EDIL3: variants seen among roughly 807,000 people sequenced by gnomAD.
EDIL3 encodes the protein EGF like and discoidin domains 3.
In EDIL3, 37 loss-of-function variants were observed where a neutral mutation model predicts 67.4. That is an observed-to-expected ratio of 0.55 (90% CI 0.42 to 0.72). EDIL3 has a LOEUF of 0.72. Among genes scored for constraint, EDIL3 ranks in the 30% least tolerant of loss-of-function variants. The probability of loss-of-function intolerance (pLI) is 0.00; values close to 1 mark genes in which losing one functional copy is unlikely to be tolerated. For missense variants in EDIL3, 527 were observed against 586.3 expected (o/e 0.90, Z 1.04); for synonymous variants, 195 against 196.3 (o/e 0.99, Z 0.05).
chr5:84,077,953 T>C (rs1336814560), intron 6 of EDIL3, among the ~76,000 whole-genome samples: 1 of 149,254 alleles, frequency 6.7e-6, no homozygotes, highest in Non-Finnish European at 1.5e-5. Context: ...TCAGAGAAAA[T>C]CTTCACTATT....
chr5:84,074,900 G>C (rs922386341), intron 6 of EDIL3, among the ~76,000 whole-genome samples: 1 of 152,110 alleles, frequency 6.6e-6, no homozygotes, highest in Admixed American at 6.5e-5. Flanking sequence ...ACATGCACAC[G>C]TATGTTTATT....
In EDIL3 at chr5:84,384,393, T is replaced by G. The variant is rs1472143940; in HGVS notation, c.-19A>C. 1.2e-6 allele frequency: 2 copies of G among 1,612,104 alleles called. No individual in the cohort carries two copies. The highest frequency in any genetic ancestry group is 2.2e-5 in the East Asian group (1 of 44,700). On this transcript the variant is annotated 5_prime_UTR_variant, in exon 1 of 11. Transcript: ENST00000296591. Reference sequence around the variant, plus strand: ...GCTTCATGATCCCGTCTCCCGGACGTGACCCCGGCTGGTCAGGGGTCGTCG... The same window carrying G: ...GCTTCATGATCCCGTCTCCCGGACGGGACCCCGGCTGGTCAGGGGTCGTCG...
intron 10 of EDIL3, among the ~76,000 whole-genome samples, chr5:83,951,649 GT>G (rs1744424313): frequency 6.6e-6 from 1 of 151,620 alleles, no homozygotes; most frequent in African/African-American, 2.4e-5. Context: ...TGGTTTCCAT[GT>G]AGTTGACATG....
chr5:84,319,200 C>CTGTT (rs1746575248), intron 1 of EDIL3, among the ~76,000 whole-genome samples: 1 of 56,892 alleles, frequency 1.8e-5, no homozygotes, highest in Non-Finnish European at 4.5e-5. Context: ...TGGCCGGGCG[C>CTGTT]GGTGGCTCAC....
intron 3 of EDIL3, among the ~76,000 whole-genome samples, chr5:84,185,149 A>G (rs1396815402): frequency 6.6e-6 from 1 of 152,182 alleles, no homozygotes; most frequent in African/African-American, 2.4e-5. Flanking sequence ...ATAGATTTTA[A>G]CACACTCTGC....
chr5:84,240,433 G>A (rs1253648040), intron 2 of EDIL3, among the ~76,000 whole-genome samples: 1 of 152,056 alleles, frequency 6.6e-6, no homozygotes, highest in Non-Finnish European at 1.5e-5. Flanking sequence ...CTATATCCAG[G>A]GTCTCCAACT....
intron 9 of EDIL3, among the ~76,000 whole-genome samples, chr5:84,027,311 C>T (rs1279125928): frequency 6.6e-6 from 1 of 152,122 alleles, no homozygotes; most frequent in Non-Finnish European, 1.5e-5. Context: ...TCATGTTTAT[C>T]CCCCTGTAAG....
At chr5:84,292,442 T>C (rs1331651979) in intron 1 of EDIL3, among the ~76,000 whole-genome samples, 1 of 152,170 alleles carries the variant, frequency 6.6e-6, no homozygotes, top group Non-Finnish European at 1.5e-5. Context: ...ATAAATGCAC[T>C]TTTGTTTAGT....
Position 83,942,036 on chromosome 5 carries a change from A to G in EDIL3, c.*1383T>C, listed in dbSNP as rs777816874. The G allele has an allele frequency of 2.2e-4, 34 of 152,040 alleles. No homozygotes were observed. The highest frequency in any genetic ancestry group is 2.9e-4 in the Non-Finnish European group (20 of 67,940). The allele number at this position is 152,040 out of a possible 1,614,324, so 9.4% of individuals were successfully genotyped here. On this transcript the variant is annotated 3_prime_UTR_variant, in exon 11 of 11. Coordinates refer to ENST00000296591, the MANE Select transcript of EDIL3 (RefSeq NM_005711.5). ...TACACATACCATCCTTTCTTTTCCA[A>G]TACACTTAATTTAAAACTCCAATAA... is the stretch of plus-strand genomic sequence containing the variant.
chr5:84,171,191 T>C (rs773206848), intron 4 of EDIL3, among the ~76,000 whole-genome samples: 3 of 152,180 alleles, frequency 2.0e-5, no homozygotes, highest in Non-Finnish European at 4.4e-5. Context: ...TGTTCAGAGA[T>C]TATTGTTTTT....
intron 9 of EDIL3, among the ~76,000 whole-genome samples, chr5:83,984,968 CA>C (rs1745033838): frequency 1.3e-5 from 2 of 151,832 alleles, no homozygotes; most frequent in Non-Finnish European, 1.5e-5. Flanking sequence ...CACACACACA[CA>C]CACACACACC....
chr5:84,142,942 T>C (rs1202389898), intron 4 of EDIL3, among the ~76,000 whole-genome samples: 1 of 151,840 alleles, frequency 6.6e-6, no homozygotes, highest in African/African-American at 2.4e-5. Flanking sequence ...TGGCAAGACC[T>C]TATTTTTCAG....
At chr5:84,367,483 T>C (rs1180663728) in intron 1 of EDIL3, among the ~76,000 whole-genome samples, 2 of 152,118 alleles carry the variant, frequency 1.3e-5, no homozygotes, top group Non-Finnish European at 1.5e-5. Context: ...CAGCACTCAA[T>C]ATAAAAAGGG....
intron 4 of EDIL3, among the ~76,000 whole-genome samples, chr5:84,146,517 A>G (rs965388360): frequency 2.0e-5 from 3 of 152,132 alleles, no homozygotes; most frequent in Non-Finnish European, 2.9e-5. Context: ...TAATAACCTA[A>G]TATTGGCATT....
intron 9 of EDIL3, among the ~76,000 whole-genome samples, chr5:84,008,848 T>G (rs1745470508): frequency 6.6e-6 from 1 of 152,176 alleles, no homozygotes; most frequent in Non-Finnish European, 1.5e-5. Context: ...GGTCTCGCTC[T>G]GTCACCCAGG....
chr5:84,271,731 G>C (rs893477305), intron 1 of EDIL3, among the ~76,000 whole-genome samples: 6 of 151,964 alleles, frequency 3.9e-5, no homozygotes, highest in African/African-American at 1.5e-4. Flanking sequence ...TACTAAATCA[G>C]CTACAATCCA....
At chr5:83,978,394 G>T (rs1439320354) in intron 9 of EDIL3, among the ~76,000 whole-genome samples, 1 of 151,854 alleles carries the variant, frequency 6.6e-6, no homozygotes, top group Admixed American at 6.6e-5. Context: ...TGTCATAAAT[G>T]AGAAGCCTCA....
chr5:84,034,745 T>C (rs1229350356), intron 9 of EDIL3, among the ~76,000 whole-genome samples: 1 of 152,162 alleles, frequency 6.6e-6, no homozygotes, highest in Non-Finnish European at 1.5e-5. Flanking sequence ...GGATGGTGAA[T>C]TCATAGATCC....
chr5:84,327,264 C>T (rs1746781802), intron 1 of EDIL3, among the ~76,000 whole-genome samples: 1 of 151,930 alleles, frequency 6.6e-6, no homozygotes, highest in Non-Finnish European at 1.5e-5. Flanking sequence ...TCAAATCTCA[C>T]CATGCCTTTT....
Sources: gnomAD v4.1 joint callset for allele counts (sites outside exome capture counted in the v4.1 genomes callset) on GRCh38, gnomAD v4.1.1 for gene constraint, MANE v1.5 for transcripts, NCBI Gene and HGNC (gene_info 2026-07-23, HGNC 2026-07-21) for gene names.